Variants in CDCA2 observed in about 807,000 individuals in gnomAD.
The protein encoded by CDCA2 is cell division cycle associated 2.
CDCA2 carries 44 observed loss-of-function variants against 67.0 expected under a neutral mutation model. The ratio of observed to expected loss-of-function variants is 0.66; its 90% CI spans 0.52 to 0.84. The LOEUF (loss-of-function observed/expected upper bound fraction) is 0.84. CDCA2 is among the 40% of genes least tolerant of loss of function. The pLI is 0.00. For missense variants in CDCA2, 1,253 were observed against 1,203.2 expected (o/e 1.04, Z -0.61); for synonymous variants, 447 against 418.7 (o/e 1.07, Z -0.82).
chr8:25,463,633 G>A (rs945063963), intron 4 of CDCA2, among the ~76,000 whole-genome samples: 1 of 151,724 alleles, frequency 6.6e-6, no homozygotes, highest in Non-Finnish European at 1.5e-5. Context: ...AATGTTGTAC[G>A]TGTGTTGTGC....
intron 14 of CDCA2, among the ~76,000 whole-genome samples, chr8:25,504,534 T>G (rs1349001653): frequency 1.3e-5 from 2 of 152,162 alleles, no homozygotes; most frequent in Non-Finnish European, 2.9e-5. Context: ...TACCTCCTAT[T>G]TGCGGTATAC....
At chr8:25,471,040 G>T (rs1018976407) in intron 7 of CDCA2, among the ~76,000 whole-genome samples, 4 of 152,160 alleles carry the variant, frequency 2.6e-5, no homozygotes, top group African/African-American at 7.2e-5. Context: ...GGGATTACAG[G>T]CATGAGCCAC....
chr8:25,504,420 G>T (rs925631766), intron 14 of CDCA2, among the ~76,000 whole-genome samples: 1 of 151,742 alleles, frequency 6.6e-6, no homozygotes, highest in Non-Finnish European at 1.5e-5. Context: ...CAAGAGCCAC[G>T]CTGTCTTGCC....
chr8:25,466,686 G>A (rs534906894), intron 5 of CDCA2, among the ~76,000 whole-genome samples: 42 of 152,214 alleles, frequency 2.8e-4, no homozygotes, highest in South Asian at 1.0e-3. Flanking sequence ...CAAGCATTTA[G>A]TAAATGAAAT....
In CDCA2 at chr8:25,460,492, T is replaced by G; in HGVS notation, c.170T>G (p.Phe57Cys). 1 of 1,614,210 alleles carries G rather than the reference T, an allele frequency of 6.2e-7. No homozygotes were observed. The highest frequency in any genetic ancestry group is 8.5e-7 in the Non-Finnish European group (1 of 1,180,034). The change falls in exon 3 of 15, where the codon TTT becomes TGT. Residue 57 changes from phenylalanine (F) to cysteine (C), a missense_variant. Transcript: ENST00000330560. ...TPDTFKSPLNFSTVTVEQLGI... is the reference protein window; with the variant it reads ...TPDTFKSPLNCSTVTVEQLGI... ...GATACTTTTAAATCACCTTTGAACT[T>G]TTCCACAGTAACCGTAGAGCAATTG...
intron 10 of CDCA2, 100 bp from the exon 11 acceptor site, chr8:25,485,659 A>G: frequency 1.7e-6 from 1 of 604,802 alleles, no homozygotes; most frequent in Non-Finnish European, 2.9e-6. Flanking sequence ...TATGCTTATT[A>G]TAGTTTCTCC....
chr8:25,503,947 G>A (rs565374317), intron 14 of CDCA2, among the ~76,000 whole-genome samples: 10 of 152,146 alleles, frequency 6.6e-5, no homozygotes, highest in Admixed American at 5.9e-4. Context: ...AACCATTTGG[G>A]AGCCTAAGGC....
At position 25,503,330 on chromosome 8, in the gene CDCA2, G is replaced by A. The variant is rs189008652; in HGVS notation, c.1672-43G>A. On this transcript the variant is annotated intron_variant, in intron 13 of 14. Transcript: ENST00000330560. ...TTAAAGGGTCAAAATTTTACATGGT[G>A]CTACATCTTTCTCAATTGCAATGTT... 51 of 1,456,760 alleles carry A rather than the reference G, an allele frequency of 3.5e-5. No homozygotes were observed. In the East Asian group the frequency reaches 1.2e-3, roughly 33 times the overall value. 90.2% of individuals were successfully genotyped at this position (1,456,760 alleles called of 1,614,324 possible).
At chr8:25,474,236 G>A (rs780709878) in intron 7 of CDCA2, among the ~76,000 whole-genome samples, 2 of 152,170 alleles carry the variant, frequency 1.3e-5, no homozygotes, top group Non-Finnish European at 2.9e-5. Context: ...GTTCACCAGG[G>A]ATATTGGTGT....
At chr8:25,485,022 A>G (rs1453688781) in intron 10 of CDCA2, among the ~76,000 whole-genome samples, 1 of 152,172 alleles carries the variant, frequency 6.6e-6, no homozygotes, top group Non-Finnish European at 1.5e-5. Context: ...CTGCAAAGCC[A>G]TTTAATGTTT....
chr8:25,484,175 C>G lies in CDCA2; in HGVS notation c.1330C>G (p.Pro444Ala). Residue 444 changes from proline to alanine, a missense_variant, in exon 10 of 15, where the codon CCT becomes GCT. Physicochemically the swap from Pro to Ala is conservative, Grantham distance 27. Coordinates refer to ENST00000330560, the MANE Select transcript of CDCA2 (RefSeq NM_152562.4). ...GCAGTCACCTGTTCCTGAGCCATTA[C>G]CTCAACCAGATTTTGATGACAAGGG... ...LEQSPVPEPL[P>A]QPDFDDKGEN... The G allele has an allele frequency of 6.2e-7, 1 of 1,614,146 alleles. No individual in the cohort carries two copies. Among genetic ancestry groups the G allele is most frequent in the Non-Finnish European group, 8.5e-7 (1 of 1,180,020 alleles).
intron 4 of CDCA2, among the ~76,000 whole-genome samples, chr8:25,463,775 C>T (rs1802794131): frequency 1.3e-5 from 2 of 152,122 alleles, no homozygotes; most frequent in Non-Finnish European, 2.9e-5. Context: ...TTCCTGCGAT[C>T]CCTTGAATTA....
intron 6 of CDCA2, 127 bp downstream of exon 6, chr8:25,468,540 T>TGTGTGTGA: frequency 2.0e-6 from 1 of 507,368 alleles, no homozygotes; most frequent in East Asian, 3.1e-5. Context: ...GGGGTGTGTG[T>TGTGTGTGA]GTGTGTGTGT....
intron 11 of CDCA2, among the ~76,000 whole-genome samples, chr8:25,486,097 A>C (rs559732245): frequency 1.2e-4 from 19 of 152,084 alleles, no homozygotes; most frequent in Non-Finnish European, 2.4e-4. Flanking sequence ...CAATGGAGTT[A>C]GCCTCTCAAC....
chr8:25,505,574 TTAATCTC>T (rs1461247386), intron 14 of CDCA2, among the ~76,000 whole-genome samples: 1 of 152,244 alleles, frequency 6.6e-6, no homozygotes, highest in African/African-American at 2.4e-5. Flanking sequence ...ACTGACCTGT[TTAATCTC>T]TAGCTTTAAG....
chr8:25,503,328 G>A (rs1563285772), intron 13 of CDCA2, 45 bp from the exon 14 acceptor site: 28 of 1,444,154 alleles, frequency 1.9e-5, no homozygotes, highest in Admixed American at 3.4e-5. Flanking sequence ...ATTTTACATG[G>A]TGCTACATCT....
chr8:25,464,073 C>T (rs1802805468), intron 4 of CDCA2, among the ~76,000 whole-genome samples: 1 of 152,222 alleles, frequency 6.6e-6, no homozygotes, highest in Admixed American at 6.5e-5. Flanking sequence ...AATAGCACCT[C>T]TTTTACCTGT....
At chr8:25,469,213 G>A (rs1290844494) in intron 6 of CDCA2, among the ~76,000 whole-genome samples, 2 of 152,160 alleles carry the variant, frequency 1.3e-5, no homozygotes, top group African/African-American at 4.8e-5. Context: ...TAGATCCAGT[G>A]CTCGTCCTAT....
intron 14 of CDCA2, among the ~76,000 whole-genome samples, chr8:25,503,827 G>A (rs1008761843): frequency 1.3e-5 from 2 of 152,102 alleles, no homozygotes; most frequent in African/African-American, 4.8e-5. Flanking sequence ...TAATTTCTGT[G>A]CATCCTGTTT....
Sources: allele counts gnomAD v4.1 joint callset (sites outside exome capture counted in the v4.1 genomes callset), GRCh38; gene constraint gnomAD v4.1.1; transcripts MANE v1.5; gene names NCBI Gene and HGNC (gene_info 2026-07-23, HGNC 2026-07-21).